The following PAIP2B variants were observed in gnomAD, a reference collection of about 807,000 sequenced individuals.
The protein encoded by PAIP2B is poly(A) binding protein interacting protein 2B.
In PAIP2B, 13 loss-of-function variants were observed where a neutral mutation model predicts 17.0. That is an observed-to-expected ratio of 0.76 (90% CI 0.50 to 1.22). The LOEUF is 1.22. PAIP2B is among the 50% of genes most tolerant of loss of function. The probability of loss-of-function intolerance (pLI) is 0.00; values close to 1 mark genes in which losing one functional copy is unlikely to be tolerated. For synonymous variants in PAIP2B, 43 were observed against 48.7 expected (o/e 0.88, Z 0.48); for missense variants, 117 against 144.5 (o/e 0.81, Z 0.98).
intron 1 of PAIP2B, among the ~76,000 whole-genome samples, chr2:71,210,886 G>C (rs1186794923): frequency 6.6e-6 from 1 of 152,154 alleles, no homozygotes; most frequent in Non-Finnish European, 1.5e-5. Context: ...CTTAATTACA[G>C]CAACAGTCTA....
chr2:71,190,522 A>G (rs148659094), intron 2 of PAIP2B, among the ~76,000 whole-genome samples: 5 of 152,346 alleles, frequency 3.3e-5, no homozygotes, highest in East Asian at 3.9e-4. Context: ...AGCTAGAGAT[A>G]GCATAATTTT....
chr2:71,193,025 T>C (rs146170890), intron 2 of PAIP2B, among the ~76,000 whole-genome samples: 2 of 152,316 alleles, frequency 1.3e-5, no homozygotes, highest in Non-Finnish European at 2.9e-5. Flanking sequence ...CTTTCCACAA[T>C]GGCTGAAGTA....
intron 2 of PAIP2B, among the ~76,000 whole-genome samples, chr2:71,199,607 C>A (rs1178260308): frequency 1.3e-5 from 2 of 151,664 alleles, no homozygotes; most frequent in African/African-American, 2.4e-5. Context: ...TACTCTGTCG[C>A]CCAGGCTGGA....
chr2:71,214,945 A>G (rs1038220892), intron 1 of PAIP2B, among the ~76,000 whole-genome samples: 9 of 152,208 alleles, frequency 5.9e-5, no homozygotes, highest in African/African-American at 2.2e-4. Flanking sequence ...ATTGAGGACA[A>G]TATAGGATTC....
chr2:71,206,895 A>C (rs531950662), intron 1 of PAIP2B, among the ~76,000 whole-genome samples: 1 of 152,320 alleles, frequency 6.6e-6, no homozygotes, highest in African/African-American at 2.4e-5. Context: ...CCATTTTAAA[A>C]AGTAAATATG....
intron 1 of PAIP2B, among the ~76,000 whole-genome samples, chr2:71,225,996 A>G (rs181229837): frequency 6.6e-6 from 1 of 152,362 alleles, no homozygotes; most frequent in African/African-American, 2.4e-5. Context: ...AACCCCAGTT[A>G]AGCTGTTTAA....
At chr2:71,225,760 C>G (rs1320679625) in intron 1 of PAIP2B, among the ~76,000 whole-genome samples, 1 of 152,178 alleles carries the variant, frequency 6.6e-6, no homozygotes, top group African/African-American at 2.4e-5. Context: ...ATAGTTTGTA[C>G]TGTTATCAAA....
At chr2:71,197,363 G>C (rs970744266) in intron 2 of PAIP2B, among the ~76,000 whole-genome samples, 3 of 152,156 alleles carry the variant, frequency 2.0e-5, no homozygotes, top group African/African-American at 4.8e-5. Context: ...CTGGCTTATA[G>C]GGTTTCAGCC....
rs1674495099 is a variant in PAIP2B, at chr2:71,184,902, T to C, written c.*3577A>G. 1 of 152,168 alleles carries C rather than the reference T, an allele frequency of 6.6e-6. No individual in the cohort carries two copies. The highest frequency in any genetic ancestry group is 1.5e-5 in the Non-Finnish European group (1 of 68,026). 9.4% of individuals were successfully genotyped at this position (152,168 alleles called of 1,614,324 possible). A position where few individuals can be genotyped will look rare whatever the true frequency, so the allele number is the denominator to read the frequency against. ...TCTGTCAGATTTCTAACAGTTTCAA[T>C]ACCTCAATATCACCTAAACTGAGAA... is the stretch of plus-strand genomic sequence containing the variant. On this transcript the variant is annotated 3_prime_UTR_variant, in exon 4 of 4. Coordinates refer to ENST00000244221, the MANE Select transcript of PAIP2B (RefSeq NM_020459.1).
chr2:71,200,946 GA>G (rs1292047184), intron 2 of PAIP2B, among the ~76,000 whole-genome samples: 2 of 151,914 alleles, frequency 1.3e-5, no homozygotes, highest in East Asian at 3.9e-4. Context: ...TAGATCTCCA[GA>G]AAAAAAGTTA....
intron 1 of PAIP2B, among the ~76,000 whole-genome samples, chr2:71,213,914 A>G (rs1675364009): frequency 6.6e-6 from 1 of 152,206 alleles, no homozygotes; most frequent in Non-Finnish European, 1.5e-5. Flanking sequence ...CTTCGGTAAC[A>G]GTCTCTCTTT....
chr2:71,222,305 A>G (rs567593073), intron 1 of PAIP2B, among the ~76,000 whole-genome samples: 1 of 152,312 alleles, frequency 6.6e-6, no homozygotes, highest in African/African-American at 2.4e-5. Flanking sequence ...TGTGGCCACA[A>G]GTGACTGGAC....
intron 2 of PAIP2B, among the ~76,000 whole-genome samples, chr2:71,195,862 C>A (rs1170860799): frequency 1.3e-5 from 2 of 152,034 alleles, no homozygotes; most frequent in Admixed American, 1.3e-4. Flanking sequence ...GTCTCAAACT[C>A]CTGACCTCAA....
intron 1 of PAIP2B, among the ~76,000 whole-genome samples, chr2:71,203,336 C>A (rs757416041): frequency 2.1e-4 from 32 of 152,062 alleles, no homozygotes; most frequent in Non-Finnish European, 5.9e-5. Context: ...TATAAAGGTT[C>A]TCCTTTATAA....
intron 1 of PAIP2B, among the ~76,000 whole-genome samples, chr2:71,220,960 T>C (rs1675566763): frequency 6.6e-6 from 1 of 152,254 alleles, no homozygotes; most frequent in Non-Finnish European, 1.5e-5. Context: ...AGAAGAAGTC[T>C]CATTTTCAGG....
At chr2:71,189,239 C>T (rs1674620575) in intron 3 of PAIP2B, among the ~76,000 whole-genome samples, 1 of 152,064 alleles carries the variant, frequency 6.6e-6, no homozygotes, top group Non-Finnish European at 1.5e-5. Context: ...TCTTGAACTC[C>T]AGACCTCAGG....
chr2:71,209,204 G>C (rs1041809697), intron 1 of PAIP2B, among the ~76,000 whole-genome samples: 11 of 152,176 alleles, frequency 7.2e-5, no homozygotes, highest in African/African-American at 2.7e-4. Flanking sequence ...GTGATACCAA[G>C]TATGAGATAA....
At chr2:71,199,918 T>C in intron 2 of PAIP2B, among the ~76,000 whole-genome samples, 1 of 152,182 alleles carries the variant, frequency 6.6e-6, no homozygotes, top group East Asian at 1.9e-4. Context: ...CAATTATAAC[T>C]AGTATGTTAG....
At chr2:71,197,981 T>C (rs887147170) in intron 2 of PAIP2B, among the ~76,000 whole-genome samples, 2 of 152,254 alleles carry the variant, frequency 1.3e-5, no homozygotes, top group Admixed American at 6.5e-5. Context: ...TCCTGAAATA[T>C]ATCTTTCAAG....
Sources: allele counts gnomAD v4.1 joint callset (sites outside exome capture counted in the v4.1 genomes callset), GRCh38; gene constraint gnomAD v4.1.1; transcripts MANE v1.5; gene names NCBI Gene and HGNC (gene_info 2026-07-23, HGNC 2026-07-21).